Variants in PPP2R5B observed in about 807,000 individuals in gnomAD.
The protein encoded by PPP2R5B is protein phosphatase 2 regulatory subunit B'beta, also known as serine/threonine-protein phosphatase 2A 56 kDa regulatory subunit beta isoform.
Under a neutral mutation model 59.9 loss-of-function variants are expected in PPP2R5B, and 19 were observed. The ratio of observed to expected loss-of-function variants is 0.32; its 90% confidence interval spans 0.22 to 0.47. PPP2R5B has a LOEUF of 0.47. PPP2R5B is among the 20% of genes least tolerant of loss of function. The pLI is 1.00. For synonymous variants in PPP2R5B, 286 were observed against 260.5 expected (o/e 1.10, Z -0.94); for missense variants, 441 against 640.2 (o/e 0.69, Z 3.36).
At chr11:64,930,690 C>CT in intron 8 of PPP2R5B, 101 bp downstream of exon 8, 1 of 993,720 alleles carries the variant, frequency 1.0e-6, no homozygotes, top group Non-Finnish European at 1.6e-6. Context: ...ATCTCACCTT[C>CT]TTTGTCTTTA....
chr11:64,933,713 C>G lies in PPP2R5B; in HGVS notation c.1363C>G (p.Gln455Glu). 1 of 1,556,182 alleles carries G rather than the reference C, an allele frequency of 6.4e-7. No homozygotes were observed. Among genetic ancestry groups the G allele is most frequent in the Non-Finnish European group, 8.7e-7 (1 of 1,149,544 alleles). The change falls in exon 14 of 14, where the codon CAG becomes GAG. Residue 455 changes from glutamine to glutamate, a missense_variant. Physicochemically the swap from Gln to Glu is conservative, Grantham distance 29. Coordinates refer to ENST00000164133, the MANE Select transcript of PPP2R5B (RefSeq NM_006244.4). Reference protein sequence around the residue: ...LEKQQEQQKAQERQELWQGLE... With the variant: ...LEKQQEQQKAEERQELWQGLE... ...TCTCCCCAGGGAGCAGCAGAAGGCC[C>G]AGGAGCGTCAGGAGTTATGGCAAGG...
upstream of PPP2R5B, among the ~76,000 whole-genome samples, chr11:64,922,366 T>A (rs1301735717): frequency 1.3e-5 from 2 of 151,838 alleles, no homozygotes; most frequent in Non-Finnish European, 2.9e-5. Flanking sequence ...GCATCTGTGG[T>A]TCCAGCTACT....
In PPP2R5B at chr11:64,932,000, A is replaced by G; in HGVS notation, c.1116+132A>G. 2 of 1,419,142 alleles carry G rather than the reference A, an allele frequency of 1.4e-6. No individual in the cohort carries two copies. Among genetic ancestry groups the G allele is most frequent in the East Asian group, 2.3e-5 (1 of 43,146 alleles). The allele number at this position is 1,419,142 out of a possible 1,614,324, so 87.9% of individuals were successfully genotyped here. A position where few individuals can be genotyped will look rare whatever the true frequency, so the allele number is the denominator to read the frequency against. ...CTGGTAATGGGGAGATGCTGGACTT[A>G]GGGTCAGGAGACCTAGGGTGAAGCC... is the stretch of plus-strand genomic sequence containing the variant. On this transcript the variant is annotated intron_variant, in intron 11 of 13. Transcript: ENST00000164133. The surrounding 1 kb of genome is among the most constrained non-coding windows in gnomAD (Gnocchi z 5.0).
At chr11:64,922,176 CAA>C (rs1367401643), upstream of PPP2R5B, among the ~76,000 whole-genome samples, 1,791 of 138,342 alleles carry the variant, frequency 0.013, 32 homozygotes, top group African/African-American at 0.046. Flanking sequence ...CGCGCCACTG[CAA>C]AAAAAAAATA....
At chr11:64,928,917 G>A (rs528987037) in intron 6 of PPP2R5B, among the ~76,000 whole-genome samples, 11 of 151,796 alleles carry the variant, frequency 7.2e-5, no homozygotes, top group Non-Finnish European at 1.3e-4. Context: ...ACAGTGAGCC[G>A]AGATCATGCC....
intron 4 of PPP2R5B, 54 bp downstream of exon 4, chr11:64,927,957 T>C (rs923884833): frequency 2.3e-5 from 36 of 1,566,902 alleles, no homozygotes; most frequent in Non-Finnish European, 3.1e-5. Context: ...ATCCAAGGCA[T>C]GGGGAGAGGG....
chr11:64,921,631 G>A (rs995638203), upstream of PPP2R5B, among the ~76,000 whole-genome samples: 2 of 152,198 alleles, frequency 1.3e-5, no homozygotes, highest in African/African-American at 2.4e-5. Context: ...CTTTCATGGA[G>A]GAAGAGAGGC....
chr11:64,919,134 A>G (rs897903110), intron 1 of PPP2R5B, among the ~76,000 whole-genome samples: 1 of 152,052 alleles, frequency 6.6e-6, no homozygotes, highest in Non-Finnish European at 1.5e-5. Flanking sequence ...AGGTCAGGAA[A>G]TCGAGACCAC....
At chr11:64,929,827 C>T (rs1182210578) in intron 6 of PPP2R5B, among the ~76,000 whole-genome samples, 1 of 152,220 alleles carries the variant, frequency 6.6e-6, no homozygotes, top group Non-Finnish European at 1.5e-5. Flanking sequence ...AGCTCCTGGA[C>T]TGAGGCCGGG....
intron 11 of PPP2R5B, among the ~76,000 whole-genome samples, 193 bp from the exon 12 acceptor site, chr11:64,932,572 C>T (rs770549303): frequency 2.6e-5 from 4 of 152,162 alleles, no homozygotes; most frequent in Non-Finnish European, 4.4e-5. Flanking sequence ...GGATTCACCC[C>T]GCAGCATTGG....
rs746186892 is a variant in PPP2R5B, at chr11:64,925,620, C to G, written c.-115C>G. 5.4e-6 allele frequency: 3 copies of G among 551,438 alleles called. No homozygotes were observed. The highest frequency in any genetic ancestry group is 3.9e-5 in the African/African-American group (2 of 51,436). The allele number at this position is 551,438 out of a possible 1,614,324, so 34.2% of individuals were successfully genotyped here. A position where few individuals can be genotyped will look rare whatever the true frequency, so the allele number is the denominator to read the frequency against. On this transcript the variant is annotated 5_prime_UTR_variant, in exon 2 of 14. Transcript: ENST00000164133. This position sits in a 1 kb window ranked among gnomAD's most constrained non-coding sequence, Gnocchi z 4.6. ...GGCCCAGGACTGTGGTTGTGCCCCC[C>G]CCCCAAAGGCCGGACAGGATGGGAC... is the stretch of plus-strand genomic sequence containing the variant.
At chr11:64,927,481 C>T (rs1945180646) in intron 3 of PPP2R5B, among the ~76,000 whole-genome samples, 2 of 152,072 alleles carry the variant, frequency 1.3e-5, no homozygotes, top group South Asian at 2.1e-4. Flanking sequence ...TGGGCCAAGG[C>T]GAGAGGATCA....
rs1313675514 is a variant in PPP2R5B, at chr11:64,934,255, C to T, written c.*411C>T. 4 of 215,768 alleles carry T rather than the reference C, an allele frequency of 1.9e-5. No individual in the cohort carries two copies. Among genetic ancestry groups the T allele is most frequent in the Non-Finnish European group, 2.8e-5 (3 of 108,746 alleles). The allele number at this position is 215,768 out of a possible 1,614,324, so 13.4% of individuals were successfully genotyped here. The stretch of plus-strand genomic sequence containing the variant: ...ATGGGGTCCATGGTCTATTTATTCT[C>T]GCCCAGCTCACCCTCTACACAGACA... On this transcript the variant is annotated 3_prime_UTR_variant, in exon 14 of 14. Coordinates refer to ENST00000164133, the MANE Select transcript of PPP2R5B (RefSeq NM_006244.4).
Position 64,934,128 on chromosome 11 carries a change from T to A in PPP2R5B, c.*284T>A. The A allele has an allele frequency of 2.7e-6, 1 of 375,152 alleles. No individual in the cohort carries two copies. Among genetic ancestry groups the A allele is most frequent in the Non-Finnish European group, 4.7e-6 (1 of 211,386 alleles). The allele number at this position is 375,152 out of a possible 1,614,324, so 23.2% of individuals were successfully genotyped here. The stretch of plus-strand genomic sequence containing the variant: ...CTGCCCCGCAAAGCTAGGCTCCAGC[T>A]GCAGGCGGGCTCCCACCCTCTGCTC... On this transcript the variant is annotated 3_prime_UTR_variant, in exon 14 of 14. Transcript: ENST00000164133.
upstream of PPP2R5B, among the ~76,000 whole-genome samples, chr11:64,921,357 G>A (rs1945108695): frequency 6.6e-6 from 1 of 151,928 alleles, no homozygotes; most frequent in African/African-American, 2.4e-5. Flanking sequence ...GGGGAAGTTT[G>A]GGGTCAGGAT....
At chr11:64,930,418 C>G in intron 7 of PPP2R5B, 37 bp downstream of exon 7, 1 of 1,613,746 alleles carries the variant, frequency 6.2e-7, no homozygotes, top group African/African-American at 1.3e-5. Context: ...GCTCAGGATT[C>G]TGGAAGGAGG....
In PPP2R5B at chr11:64,933,267, G is replaced by T. The variant is rs370656052; in HGVS notation, c.1346+21G>T. On this transcript the variant is annotated intron_variant, in intron 13 of 13. Coordinates refer to ENST00000164133, the MANE Select transcript of PPP2R5B (RefSeq NM_006244.4). ...CAGCAGTGAGTGTTGGGGGCTGGGC[G>T]TGGGGGAAGGGAGAAGAGCAGGGAG... 37 of 1,569,378 alleles carry T rather than the reference G, an allele frequency of 2.4e-5. No homozygotes were observed. The African/African-American group carries it at 4.3e-4, about 18-fold the overall frequency.
intron 2 of PPP2R5B, 126 bp downstream of exon 2, chr11:64,926,059 C>A: frequency 1.0e-6 from 1 of 991,748 alleles, no homozygotes; most frequent in Non-Finnish European, 1.5e-6. Context: ...AGGCTAGGTT[C>A]TCCGCCATCA....
At chr11:64,920,804 G>A (rs635603), upstream of PPP2R5B, among the ~76,000 whole-genome samples, 143,954 of 151,476 alleles carry the variant, frequency 0.95, 68,827 homozygotes, top group Middle Eastern at 1. Context: ...TAATTTTTCT[G>A]TTTTTAGTAG....
Sources: allele counts gnomAD v4.1 joint callset (sites outside exome capture counted in the v4.1 genomes callset), GRCh38; gene constraint gnomAD v4.1.1; non-coding constraint Gnocchi (gnomAD v3.1); transcripts MANE v1.5; gene names NCBI Gene and HGNC (gene_info 2026-07-23, HGNC 2026-07-21).